Variants in EEFSEC observed in about 807,000 individuals in gnomAD.
The protein encoded by EEFSEC is eukaryotic elongation factor, selenocysteine-tRNA specific, also known as selenocysteine-specific elongation factor.
In EEFSEC, 43 loss-of-function variants were observed where a neutral mutation model predicts 42.1. That is an observed-to-expected ratio of 1.02 (90% CI 0.80 to 1.32). EEFSEC has a LOEUF of 1.32. EEFSEC is among the 40% of genes most tolerant of loss of function. The pLI, the probability that EEFSEC is intolerant of heterozygous loss-of-function variation, is 0.00. For synonymous variants in EEFSEC, 354 were observed against 339.1 expected (o/e 1.04, Z -0.48); for missense variants, 745 against 803.6 (o/e 0.93, Z 0.88).
intron 1 of EEFSEC, among the ~76,000 whole-genome samples, chr3:128,167,821 T>C (rs988584656): frequency 6.6e-6 from 1 of 152,216 alleles, no homozygotes; most frequent in African/African-American, 2.4e-5. Context: ...TATATTTTCC[T>C]TTCTCCATGC....
intron 6 of EEFSEC, among the ~76,000 whole-genome samples, chr3:128,378,586 A>G (rs534282564): frequency 1.1e-4 from 17 of 152,290 alleles, no homozygotes; most frequent in African/African-American, 4.1e-4. Context: ...GTGTTTGTGG[A>G]CAGTGGTGGT....
intron 4 of EEFSEC, among the ~76,000 whole-genome samples, chr3:128,315,535 G>T (rs866079550): frequency 3.3e-5 from 5 of 152,214 alleles, no homozygotes; most frequent in Non-Finnish European, 7.3e-5. Context: ...TGCTGAGGCT[G>T]CTATGGCCTC....
At chr3:128,357,205 C>G (rs772196431) in intron 5 of EEFSEC, among the ~76,000 whole-genome samples, 13 of 152,228 alleles carry the variant, frequency 8.5e-5, no homozygotes, top group Non-Finnish European at 1.3e-4. Context: ...TGCTGCCATC[C>G]CAAAAGCAGT....
intron 4 of EEFSEC, among the ~76,000 whole-genome samples, chr3:128,267,299 A>G (rs1398722200): frequency 6.6e-6 from 1 of 152,196 alleles, no homozygotes; most frequent in Non-Finnish European, 1.5e-5. Flanking sequence ...GAACTTGCCT[A>G]TCAGGATGCC....
intron 4 of EEFSEC, among the ~76,000 whole-genome samples, chr3:128,286,445 T>A (rs1488150996): frequency 6.6e-6 from 1 of 152,258 alleles, no homozygotes; most frequent in Non-Finnish European, 1.5e-5. Flanking sequence ...GTTTATTAAC[T>A]CAGTTATGTA....
At chr3:128,326,236 C>T (rs377528283) in intron 4 of EEFSEC, among the ~76,000 whole-genome samples, 92 of 152,352 alleles carry the variant, frequency 6.0e-4, no homozygotes, top group African/African-American at 2.2e-3. Flanking sequence ...GAGTGCCTGG[C>T]TCCTGGGCCC....
intron 1 of EEFSEC, among the ~76,000 whole-genome samples, chr3:128,160,046 A>T (rs976803428): frequency 1.3e-5 from 2 of 152,238 alleles, no homozygotes; most frequent in African/African-American, 2.4e-5. Context: ...TAAGTTCTGG[A>T]TGAATGAAGC....
chr3:128,275,064 C>T (rs956367799), intron 4 of EEFSEC, among the ~76,000 whole-genome samples: 1 of 152,132 alleles, frequency 6.6e-6, no homozygotes, highest in Non-Finnish European at 1.5e-5. Flanking sequence ...GTCATTTCCT[C>T]CCTCTAGCTG....
At chr3:128,309,466 T>C (rs1295159173) in intron 4 of EEFSEC, among the ~76,000 whole-genome samples, 1 of 152,192 alleles carries the variant, frequency 6.6e-6, no homozygotes, top group African/African-American at 2.4e-5. Context: ...TGCTGAACGC[T>C]TACTGGGGCC....
intron 1 of EEFSEC, among the ~76,000 whole-genome samples, chr3:128,194,126 C>T (rs1252223470): frequency 6.6e-6 from 1 of 152,204 alleles, no homozygotes; most frequent in Non-Finnish European, 1.5e-5. Context: ...CCAATTTCTC[C>T]TCTCTTCCGT....
At chr3:128,208,627 G>T (rs978217031) in intron 1 of EEFSEC, among the ~76,000 whole-genome samples, 1 of 152,224 alleles carries the variant, frequency 6.6e-6, no homozygotes, top group Non-Finnish European at 1.5e-5. Context: ...CATAGGGCCA[G>T]TGTTTCCTCT....
chr3:128,389,638 T>C (rs887539468), intron 6 of EEFSEC, among the ~76,000 whole-genome samples: 1 of 152,256 alleles, frequency 6.6e-6, no homozygotes, highest in Non-Finnish European at 1.5e-5. Context: ...CAAGTCCAGT[T>C]ACAGGAAGAT....
intron 6 of EEFSEC, among the ~76,000 whole-genome samples, chr3:128,386,301 G>C (rs1293784835): frequency 6.6e-6 from 1 of 152,170 alleles, no homozygotes; most frequent in Non-Finnish European, 1.5e-5. Context: ...CCATACCCTA[G>C]CAGGCTGCAG....
chr3:128,379,086 T>C (rs2067743609), intron 6 of EEFSEC, among the ~76,000 whole-genome samples: 1 of 152,210 alleles, frequency 6.6e-6, no homozygotes, highest in South Asian at 2.1e-4. Flanking sequence ...CCACTGCCCT[T>C]TGTGGATCTT....
At chr3:128,322,334 G>A (rs1576636261) in intron 4 of EEFSEC, among the ~76,000 whole-genome samples, 1 of 152,372 alleles carries the variant, frequency 6.6e-6, no homozygotes, top group East Asian at 1.9e-4. Context: ...CTACCTGGGA[G>A]CCCCTCAGTG....
intron 5 of EEFSEC, among the ~76,000 whole-genome samples, chr3:128,349,440 T>C (rs955998022): frequency 6.6e-6 from 1 of 152,212 alleles, no homozygotes; most frequent in Non-Finnish European, 1.5e-5. Flanking sequence ...CCACTCACCC[T>C]ATGGAGCCAG....
chr3:128,163,602 C>T (rs920647567), intron 1 of EEFSEC, among the ~76,000 whole-genome samples: 7 of 152,004 alleles, frequency 4.6e-5, no homozygotes, highest in African/African-American at 1.5e-4. Flanking sequence ...GTGGTTTTCA[C>T]TGTACTCATA....
intron 1 of EEFSEC, among the ~76,000 whole-genome samples, chr3:128,225,028 G>A (rs1037623158): frequency 2.0e-5 from 3 of 152,222 alleles, no homozygotes; most frequent in Non-Finnish European, 4.4e-5. Flanking sequence ...CGAGTAGGGC[G>A]AAGCATGTAA....
intron 1 of EEFSEC, among the ~76,000 whole-genome samples, chr3:128,177,082 C>T (rs1019353986): frequency 2.6e-5 from 4 of 151,972 alleles, no homozygotes; most frequent in South Asian, 2.1e-4. Context: ...CTGCAACCTC[C>T]GCTTCCCAGG....
Sources: allele counts gnomAD v4.1 joint callset (sites outside exome capture counted in the v4.1 genomes callset), GRCh38; gene constraint gnomAD v4.1.1; transcripts MANE v1.5; gene names NCBI Gene and HGNC (gene_info 2026-07-23, HGNC 2026-07-21).